The following REV3L variants were observed in gnomAD, a reference collection of about 807,000 sequenced individuals.
The protein encoded by REV3L is DNA polymerase zeta catalytic subunit.
REV3L carries 69 observed loss-of-function variants against 299.4 expected under a neutral mutation model. That is an observed-to-expected ratio of 0.23 (90% confidence interval 0.19 to 0.28). The LOEUF (loss-of-function observed/expected upper bound fraction) is 0.28. REV3L is among the 10% of genes least tolerant of loss of function. The pLI, the probability that REV3L is intolerant of heterozygous loss-of-function variation, is 1.00. For synonymous variants in REV3L, 1,238 were observed against 1,271.4 expected, an observed-to-expected ratio of 0.97 and a Z score of 0.56; for missense variants, 3,128 against 3,693.8, an observed-to-expected ratio of 0.85 and a Z score of 3.97.
intron 1 of REV3L, among the ~76,000 whole-genome samples, chr6:111,444,184 A>AG (rs1196991771): frequency 6.6e-6 from 1 of 152,242 alleles, no homozygotes; most frequent in Non-Finnish European, 1.5e-5. Context: ...ATAGATCAGC[A>AG]GAAAAGGAAC....
chr6:111,440,223 C>T (rs1330086586), intron 1 of REV3L, among the ~76,000 whole-genome samples: 1 of 152,130 alleles, frequency 6.6e-6, no homozygotes, highest in Non-Finnish European at 1.5e-5. Context: ...GCATGCGCCA[C>T]CATGCCCGGC....
intron 4 of REV3L, among the ~76,000 whole-genome samples, chr6:111,395,185 T>C (rs1182078244): frequency 6.6e-6 from 1 of 152,230 alleles, no homozygotes; most frequent in Non-Finnish European, 1.5e-5. Flanking sequence ...GCTTTGGCTA[T>C]TTAGGCTCTT....
At chr6:111,354,461 C>A (rs1777891663) in intron 18 of REV3L, among the ~76,000 whole-genome samples, 1 of 152,152 alleles carries the variant, frequency 6.6e-6, no homozygotes, top group South Asian at 2.1e-4. Context: ...AGATTTATTT[C>A]ACAGATTTTG....
intron 31 of REV3L, among the ~76,000 whole-genome samples, chr6:111,306,616 C>T (rs1772334164): frequency 6.6e-6 from 1 of 152,182 alleles, no homozygotes; most frequent in Non-Finnish European, 1.5e-5. Flanking sequence ...AGCAGTGTAA[C>T]ATGCAAATCA....
Position 111,367,428 on chromosome 6 carries a change from A to G in REV3L, c.6360T>C (p.Pro2120=). The stretch of plus-strand genomic sequence containing the variant: ...GCCAAGGGGGAATTACTGGAGAATC[A>G]GGGGAGCTATAACTAATGTAATAGT... ...DDNYYISYSS[P]DSPVIPPWQQ... is the part of the protein sequence containing the mutation. The change falls in exon 14 of 32, where the codon CCT becomes CCC. Residue 2120 remains proline (P), a synonymous_variant. Transcript: ENST00000368802. The G allele has an allele frequency of 6.2e-7, 1 of 1,611,488 alleles. No individual in the cohort carries two copies.
rs773739805 is a variant in REV3L at position 111,309,987 on chromosome 6, C to T, written c.8908G>A (p.Val2970Met). The change falls in exon 30 of 32, where the codon GTG (valine) becomes ATG (methionine). Residue 2970 changes from valine to methionine, a missense_variant. Val to Met is a conservative substitution (Grantham distance 21). Around this residue, in one of 9 missense-constraint regions of REV3L, gnomAD observed 294 missense variants for 377.0 expected, o/e 0.78. Transcript: ENST00000368802. The stretch of plus-strand genomic sequence containing the variant: ...AGAGTTGGGTCCTGCAGGACTTCCA[C>T]TGGGCGCCTTACAAGCTGGATAAGT... ...VPLIQLVRRP[V>M]EVLQDPTLRL... is the part of the protein sequence containing the mutation. 1.1e-5 allele frequency: 17 copies of T among 1,613,920 alleles called. No individual in the cohort carries two copies. Among genetic ancestry groups the T allele is most frequent in the Non-Finnish European group, 1.4e-5 (17 of 1,179,916 alleles).
chr6:111,423,992 C>A (rs1436977797), intron 1 of REV3L, among the ~76,000 whole-genome samples: 1 of 152,224 alleles, frequency 6.6e-6, no homozygotes, highest in East Asian at 1.9e-4. Context: ...AGAAAGAGAT[C>A]TGAGCTAGAG....
At chr6:111,394,734 C>G (rs1218216566) in intron 4 of REV3L, among the ~76,000 whole-genome samples, 2 of 144,224 alleles carry the variant, frequency 1.4e-5, no homozygotes, top group Non-Finnish European at 3.0e-5. Flanking sequence ...GAGACAGGGT[C>G]TCACTGTCAT....
Position 111,376,619 on chromosome 6 carries a change from C to T in REV3L, c.1736G>A (p.Cys579Tyr), listed in dbSNP as rs144968602. 16 of 1,613,154 alleles carry T rather than the reference C, an allele frequency of 9.9e-6. No individual in the cohort carries two copies. The African/African-American group carries it at 2.1e-4, about 22-fold the overall frequency. The change falls in exon 13 of 32, where the codon TGT (cysteine) becomes TAT (tyrosine). Residue 579 changes from cysteine (C) to tyrosine (Y), a missense_variant. This residue lies in a region of REV3L where 2,409 missense variants were observed against 2,611.8 expected (regional missense o/e 0.92). Transcript: ENST00000368802. ...GGAAGAAAGGGCACTTGTGTGTTTA[C>T]ACTGAAAGGTAATCTTAGCAGAAGA... ...PSSSAKITFQ[C>Y]KHTSALSSHV... is the part of the protein sequence containing the mutation.
intron 1 of REV3L, among the ~76,000 whole-genome samples, 182 bp downstream of exon 1, chr6:111,482,568 A>G (rs929137315): frequency 6.6e-6 from 1 of 151,640 alleles, no homozygotes; most frequent in Non-Finnish European, 1.5e-5. Context: ...GCGCGGACCC[A>G]CATTTTTGCG....
intron 26 of REV3L, among the ~76,000 whole-genome samples, chr6:111,321,772 A>G (rs1392955395): frequency 6.6e-6 from 1 of 152,200 alleles, no homozygotes; most frequent in African/African-American, 2.4e-5. Flanking sequence ...GCTCTGTTGG[A>G]CTGTAAAGAG....
chr6:111,431,119 T>C (rs1458491247), intron 1 of REV3L: 1 of 1,514,042 alleles, frequency 6.6e-7, no homozygotes, highest in African/African-American at 1.4e-5. Context: ...CTATTCAACC[T>C]ATGGGGAAGA....
intron 3 of REV3L, among the ~76,000 whole-genome samples, chr6:111,406,491 A>G (rs1443804731): frequency 6.6e-6 from 1 of 152,220 alleles, no homozygotes; most frequent in East Asian, 1.9e-4. Context: ...ACAGGTAAGG[A>G]GTAAATAGGC....
intron 13 of REV3L, among the ~76,000 whole-genome samples, chr6:111,371,206 C>T (rs1053145274): frequency 6.6e-6 from 1 of 152,168 alleles, no homozygotes; most frequent in Non-Finnish European, 1.5e-5. Flanking sequence ...CAAGAGCCAT[C>T]ATTTAAACTT....
At position 111,440,019 on chromosome 6, in the gene REV3L, T is replaced by C. The variant is rs145850101; in HGVS notation, c.140-23547A>G. Reference sequence around the variant, plus strand: ...GCCAGGAAAATGCTTCCACAACCCATAGGATGCAGAAAATGCTTTCCAAGA... The same window carrying C: ...GCCAGGAAAATGCTTCCACAACCCACAGGATGCAGAAAATGCTTTCCAAGA... On this transcript the variant is annotated intron_variant, in intron 1 of 31. Transcript: ENST00000368802. Among the ~76,000 whole-genome samples, 356 of 152,202 alleles carry C rather than the reference T, an allele frequency of 2.3e-3. 1 individual carries two copies. The highest frequency in any genetic ancestry group is 3.8e-3 in the Non-Finnish European group (256 of 67,992).
chr6:111,474,981 CTATA>C (rs746427962), intron 1 of REV3L, among the ~76,000 whole-genome samples: 15,119 of 108,002 alleles, frequency 0.14, 952 homozygotes, highest in Middle Eastern at 0.25. Flanking sequence ...CTATAGCTGC[CTATA>C]TATACACACA....
At chr6:111,305,274 CTTTCT>C (rs1176512269) in intron 31 of REV3L, among the ~76,000 whole-genome samples, 3 of 152,076 alleles carry the variant, frequency 2.0e-5, no homozygotes, top group Non-Finnish European at 4.4e-5. Flanking sequence ...TGTGGCATCA[CTTTCT>C]TTTAAACTGT....
At chr6:111,453,111 A>C (rs1398999996) in intron 1 of REV3L, among the ~76,000 whole-genome samples, 1 of 152,196 alleles carries the variant, frequency 6.6e-6, no homozygotes, top group African/African-American at 2.4e-5. Context: ...TTATCAAAAC[A>C]GTATTTCTTA....
rs773751131 is a variant in REV3L, at chr6:111,374,864, A to T, written c.3491T>A (p.Ile1164Lys). Reference protein sequence around the residue: ...NVYKKTVNSRIGKTSRARAQI... With the variant: ...NVYKKTVNSRKGKTSRARAQI... ...TGCTCTTGCGCGACTAGTTTTTCCTATACGAGAATTAACAGTCTTCTTATA... is the reference window on the plus strand; with the variant it reads ...TGCTCTTGCGCGACTAGTTTTTCCTTTACGAGAATTAACAGTCTTCTTATA... Residue 1164 changes from isoleucine to lysine, a missense_variant, in exon 13 of 32, where the codon ATA becomes AAA. Coordinates refer to ENST00000368802, the MANE Select transcript of REV3L (RefSeq NM_001372078.1). 1.2e-6 allele frequency: 2 copies of T among 1,613,806 alleles called. No homozygotes were observed. The highest frequency in any genetic ancestry group is 1.7e-6 in the Non-Finnish European group (2 of 1,179,884).
Sources: allele counts gnomAD v4.1 joint callset (sites outside exome capture counted in the v4.1 genomes callset), GRCh38; gene constraint gnomAD v4.1.1; regional missense constraint gnomAD v4.1.1; transcripts MANE v1.5; gene names NCBI Gene and HGNC (gene_info 2026-07-23, HGNC 2026-07-21).